CDH4: variants seen among roughly 807,000 people sequenced by gnomAD.
CDH4 encodes cadherin-4.
CDH4 carries 33 observed loss-of-function variants against 86.0 expected under a neutral mutation model. The ratio of observed to expected loss-of-function variants is 0.38; its 90% CI spans 0.29 to 0.51. The LOEUF is 0.51. CDH4 is among the 20% of genes least tolerant of loss of function. CDH4 has a pLI of 0.86. For missense variants in CDH4, 1,114 were observed against 1,307.4 expected (o/e 0.85, Z 2.28); for synonymous variants, 555 against 549.4 (o/e 1.01, Z -0.14).
At chr20:61,549,746 G>T (rs564663465) in intron 2 of CDH4, among the ~76,000 whole-genome samples, 5 of 152,362 alleles carry the variant, frequency 3.3e-5, no homozygotes, top group Non-Finnish European at 1.5e-5. Context: ...ATTAGACAGA[G>T]GTGCTGCCTT....
At chr20:61,905,710 AG>A (rs921190062) in intron 8 of CDH4, among the ~76,000 whole-genome samples, 1 of 152,052 alleles carries the variant, frequency 6.6e-6, no homozygotes, top group African/African-American at 2.4e-5. Context: ...AACCACAGAC[AG>A]CCAGGTGCAC....
chr20:61,818,903 A>G (rs1438390627), intron 4 of CDH4, among the ~76,000 whole-genome samples: 1 of 152,140 alleles, frequency 6.6e-6, no homozygotes, highest in Non-Finnish European at 1.5e-5. Flanking sequence ...CTGATGGCAC[A>G]GAGAGCAGGG....
chr20:61,787,780 G>T (rs1190743832), intron 4 of CDH4, among the ~76,000 whole-genome samples: 1 of 152,246 alleles, frequency 6.6e-6, no homozygotes, highest in Non-Finnish European at 1.5e-5. Flanking sequence ...GAATGCAGTG[G>T]CAGAGAGAAT....
intron 2 of CDH4, among the ~76,000 whole-genome samples, chr20:61,342,363 T>C (rs944132157): frequency 1.1e-4 from 16 of 152,348 alleles, no homozygotes; most frequent in Non-Finnish European, 1.6e-4. Flanking sequence ...TGAGCTTGTT[T>C]TCCTGCAACC....
At position 61,858,789 on chromosome 20, in the gene CDH4, C is replaced by T. The variant is rs113028910; in HGVS notation, c.877+5891C>T. 3.0e-4 allele frequency among the ~76,000 whole-genome samples: 45 copies of T among 152,264 alleles called. 1 individual carries two copies. Among genetic ancestry groups the T allele is most frequent in the African/African-American group, 8.9e-4 (37 of 41,534 alleles). ...AGAATTCCGTGGCCTGGGTGTACCG[C>T]GGCTTATGAGCCATCCCCAACTGAT... On this transcript the variant is annotated intron_variant, in intron 6 of 15. Transcript: ENST00000614565.
chr20:61,644,361 G>T (rs944265), intron 2 of CDH4, among the ~76,000 whole-genome samples: 6 of 152,128 alleles, frequency 3.9e-5, no homozygotes, highest in Non-Finnish European at 7.4e-5. Flanking sequence ...ACAGGGCTGC[G>T]CAGAGCCCTT....
intron 2 of CDH4, among the ~76,000 whole-genome samples, chr20:61,650,742 T>C (rs1040301768): frequency 6.6e-6 from 1 of 152,252 alleles, no homozygotes; most frequent in Non-Finnish European, 1.5e-5. Flanking sequence ...TAACAATAAT[T>C]ACAGGTCTTT....
rs77199077 is a variant in CDH4, at chr20:61,340,253, T to C, written c.169+85316T>C. On this transcript the variant is annotated intron_variant, in intron 2 of 15. Transcript: ENST00000614565. ...CGAGGAATGAGACTCAACCTGACCC[T>C]GAGTCACAGTGTACAGTGGAGGGCA... Among the ~76,000 whole-genome samples, 1,104 of 152,260 alleles carry C rather than the reference T, an allele frequency of 7.3e-3. 16 individuals carry two copies. The highest frequency in any genetic ancestry group is 0.023 in the African/African-American group (941 of 41,542).
At chr20:61,745,756 C>A (rs1252132698) in intron 3 of CDH4, among the ~76,000 whole-genome samples, 1 of 152,126 alleles carries the variant, frequency 6.6e-6, no homozygotes, top group East Asian at 1.9e-4. Flanking sequence ...GGACTTTCAT[C>A]CCCATCATGC....
chr20:61,776,005 A>G (rs537116637), intron 4 of CDH4, among the ~76,000 whole-genome samples: 1 of 152,196 alleles, frequency 6.6e-6, no homozygotes, highest in East Asian at 1.9e-4. Flanking sequence ...TGGACAGTGG[A>G]GAGAAAGACC....
chr20:61,856,650 C>T (rs1983025704), intron 6 of CDH4, among the ~76,000 whole-genome samples: 1 of 148,538 alleles, frequency 6.7e-6, no homozygotes, highest in African/African-American at 2.4e-5. Flanking sequence ...CCCTAGAATC[C>T]ACGAGGGTCC....
intron 2 of CDH4, among the ~76,000 whole-genome samples, chr20:61,443,436 G>T (rs956025121): frequency 6.6e-6 from 1 of 152,192 alleles, no homozygotes; most frequent in African/African-American, 2.4e-5. Flanking sequence ...ACTTCAAGGA[G>T]CCATTGTTCT....
chr20:61,638,390 G>A (rs993293103), intron 2 of CDH4, among the ~76,000 whole-genome samples: 2 of 152,182 alleles, frequency 1.3e-5, no homozygotes, highest in East Asian at 3.9e-4. Context: ...CTTGTGTTCT[G>A]TAGAATATCC....
At chr20:61,321,007 G>A (rs868846461) in intron 2 of CDH4, among the ~76,000 whole-genome samples, 17 of 152,244 alleles carry the variant, frequency 1.1e-4, no homozygotes, top group Admixed American at 3.3e-4. Context: ...CTGTCCAGCT[G>A]CTCTAGCCTT....
intron 2 of CDH4, among the ~76,000 whole-genome samples, chr20:61,473,735 A>G (rs2085518747): frequency 6.6e-6 from 1 of 152,114 alleles, no homozygotes; most frequent in Non-Finnish European, 1.5e-5. Context: ...GCATGCACAC[A>G]TACACACACA....
intron 2 of CDH4, among the ~76,000 whole-genome samples, chr20:61,536,127 G>A (rs945842644): frequency 3.3e-5 from 5 of 152,190 alleles, no homozygotes; most frequent in African/African-American, 1.2e-4. Flanking sequence ...CACAGAACCC[G>A]GCCAGGCCAG....
intron 2 of CDH4, among the ~76,000 whole-genome samples, chr20:61,728,529 T>G (rs187768799): frequency 0.013 from 2,027 of 152,200 alleles, 20 homozygotes; most frequent in Non-Finnish European, 0.019. Flanking sequence ...TGCCCCCAGG[T>G]GAGCACTGGC....
intron 4 of CDH4, among the ~76,000 whole-genome samples, chr20:61,827,542 G>A (rs902350751): frequency 1.3e-5 from 2 of 152,152 alleles, no homozygotes; most frequent in African/African-American, 4.8e-5. Flanking sequence ...TTGGTTTTAG[G>A]TATTAATGTG....
intron 11 of CDH4, among the ~76,000 whole-genome samples, chr20:61,927,022 C>T (rs1039059927): frequency 3.9e-5 from 6 of 152,230 alleles, no homozygotes; most frequent in African/African-American, 1.4e-4. Context: ...TGTGCTTCTC[C>T]GATCACGTGC....
Sources: allele counts gnomAD v4.1 joint callset (sites outside exome capture counted in the v4.1 genomes callset), GRCh38; gene constraint gnomAD v4.1.1; transcripts MANE v1.5; gene names NCBI Gene and HGNC (gene_info 2026-07-23, HGNC 2026-07-21).